Variants in SRSF7 observed in about 807,000 individuals in gnomAD.
SRSF7 encodes serine and arginine rich splicing factor 7.
SRSF7 carries 15 observed loss-of-function variants against 42.2 expected under a neutral mutation model. The ratio of observed to expected loss-of-function variants is 0.36; its 90% CI spans 0.24 to 0.55. The LOEUF is 0.55. Ranked by LOEUF, SRSF7 falls within the 20% of genes least tolerant of loss-of-function variation. The pLI is 0.88. For synonymous variants in SRSF7, 138 were observed against 107.9 expected (o/e 1.28, Z -1.73); for missense variants, 181 against 305.9 (o/e 0.59, Z 3.04).
chr2:38,747,682 A>G (rs1169031785), intron 5 of SRSF7, among the ~76,000 whole-genome samples: 1 of 152,162 alleles, frequency 6.6e-6, no homozygotes, highest in African/African-American at 2.4e-5. Flanking sequence ...CTTGCTTCTG[A>G]TCTCTTTTCC....
In SRSF7 at chr2:38,744,437, T is replaced by A; in HGVS notation, c.*696A>T. On this transcript the variant is annotated 3_prime_UTR_variant, in exon 8 of 8. Coordinates refer to ENST00000313117, the MANE Select transcript of SRSF7 (RefSeq NM_001031684.3). Reference sequence around the variant, plus strand: ...GAACTCCCCATATCTTGGGGAGTCCTAATTAACACTATGCCACCTAGTAGC... The same window carrying A: ...GAACTCCCCATATCTTGGGGAGTCCAAATTAACACTATGCCACCTAGTAGC... 1.3e-5 allele frequency: 2 copies of A among 152,578 alleles called. No individual in the cohort carries two copies. Among genetic ancestry groups the A allele is most frequent in the African/African-American group, 4.8e-5 (2 of 41,460 alleles). 9.5% of individuals were successfully genotyped at this position (152,578 alleles called of 1,614,324 possible).
chr2:38,746,274 T>C, intron 6 of SRSF7, 95 bp from the exon 7 acceptor site: 2 of 1,396,244 alleles, frequency 1.4e-6, no homozygotes, highest in Non-Finnish European at 2.0e-6. Context: ...TGTCCTAAGC[T>C]TAAAATGTCA....
Position 38,745,200 on chromosome 2 carries a change from AC to A in SRSF7, c.663-14del. The A allele has an allele frequency of 6.2e-7, 1 of 1,614,038 alleles. No homozygotes were observed. The highest frequency in any genetic ancestry group is 2.2e-5 in the East Asian group (1 of 44,874). On this transcript the variant is annotated splice_polypyrimidine_tract_variant and intron_variant, in intron 7 of 7. Transcript: ENST00000313117. ...TGATGGGGAACGACTAAAAAGAAAA[AC>A]ATTAGGTTTGGATCCAATTAGTGTC...
At chr2:38,750,412 G>A (rs968838159) in intron 1 of SRSF7, among the ~76,000 whole-genome samples, 1 of 151,948 alleles carries the variant, frequency 6.6e-6, no homozygotes, top group Non-Finnish European at 1.5e-5. Flanking sequence ...ATAATGCGGG[G>A]TGACCCTCCC....
In SRSF7 at chr2:38,745,090, T is replaced by G; in HGVS notation, c.*43A>C. ...AGACATCACAAATCCCTTATAATAA[T>G]GTAAACAAAATAACTTTTCCCTAAA... On this transcript the variant is annotated 3_prime_UTR_variant, in exon 8 of 8. Coordinates refer to ENST00000313117, the MANE Select transcript of SRSF7 (RefSeq NM_001031684.3). 1.3e-6 allele frequency: 2 copies of G among 1,598,994 alleles called. No homozygotes were observed. Among genetic ancestry groups the G allele is most frequent in the Non-Finnish European group, 1.7e-6 (2 of 1,167,062 alleles).
Position 38,744,787 on chromosome 2 carries a change from C to G in SRSF7, c.*346G>C. 12 of 216,796 alleles carry G rather than the reference C, an allele frequency of 5.5e-5. No homozygotes were observed. Among genetic ancestry groups the G allele is most frequent in the Admixed American group, 3.2e-4 (6 of 18,808 alleles). 13.4% of individuals were successfully genotyped at this position (216,796 alleles called of 1,614,324 possible). A position where few individuals can be genotyped will look rare whatever the true frequency, so the allele number is the denominator to read the frequency against. On this transcript the variant is annotated 3_prime_UTR_variant, in exon 8 of 8. Coordinates refer to ENST00000313117, the MANE Select transcript of SRSF7 (RefSeq NM_001031684.3). The stretch of plus-strand genomic sequence containing the variant: ...GTGATGTTCAAGACTTAACCAACAC[C>G]TTTCAATTCTGAATGTAGGTATGTA...
Position 38,751,262 on chromosome 2 carries a change from C to G in SRSF7, c.-6G>C. ...TACCGCCCGTAACGCGACATGATGA[C>G]AGACCCGCGTGCTCGGCTCTTTAGC... On this transcript the variant is annotated 5_prime_UTR_variant, in exon 1 of 8. Coordinates refer to ENST00000313117, the MANE Select transcript of SRSF7 (RefSeq NM_001031684.3). The G allele has an allele frequency of 1.9e-6, 3 of 1,614,180 alleles. No individual in the cohort carries two copies. The highest frequency in any genetic ancestry group is 2.5e-6 in the Non-Finnish European group (3 of 1,180,002).
At chr2:38,745,293 C>T in intron 7 of SRSF7, 106 bp from the exon 8 acceptor site, 1 of 1,153,686 alleles carries the variant, frequency 8.7e-7, no homozygotes, top group Non-Finnish European at 1.3e-6. Flanking sequence ...GTACTAATTT[C>T]CTATAGCAAA....
intron 6 of SRSF7, 88 bp from the exon 7 acceptor site, chr2:38,746,267 C>T: frequency 6.9e-7 from 1 of 1,442,128 alleles, no homozygotes; most frequent in South Asian, 1.2e-5. Context: ...CCCCAAATGT[C>T]CTAAGCTTAA....
chr2:38,749,135 ATTTACTG>A, intron 3 of SRSF7: 1 of 1,317,424 alleles, frequency 7.6e-7, no homozygotes, highest in Non-Finnish European at 1.0e-6. Context: ...TGTAAGCCAA[ATTTACTG>A]TTACGGCGAT....
intron 1 of SRSF7, 81 bp downstream of exon 1, chr2:38,751,148 C>G: frequency 3.2e-6 from 5 of 1,584,790 alleles, no homozygotes; most frequent in Non-Finnish European, 4.3e-6. Flanking sequence ...TAACCGTCTC[C>G]CAACCTCCGC....
In SRSF7 at chr2:38,745,130, G is replaced by T; in HGVS notation, c.*3C>A. 13 of 1,614,072 alleles carry T rather than the reference G, an allele frequency of 8.1e-6. No individual in the cohort carries two copies. The highest frequency in any genetic ancestry group is 1.0e-5 in the Non-Finnish European group (12 of 1,179,940). On this transcript the variant is annotated 3_prime_UTR_variant, in exon 8 of 8. Transcript: ENST00000313117. The stretch of plus-strand genomic sequence containing the variant: ...TTTTCCCTAAAGGGTGAACTTGAGA[G>T]CTTCAGTCCATTCTTTCAGGACTTG...
chr2:38,748,520 T>A, intron 4 of SRSF7, 59 bp downstream of exon 4: 1 of 1,545,532 alleles, frequency 6.5e-7, no homozygotes, highest in Admixed American at 1.7e-5. Context: ...TTTTTCTGTG[T>A]TGGACTACCA....
rs770501260 is a variant in SRSF7, at chr2:38,746,753, TAA to T, written c.573-8_573-7del. 6.2e-7 allele frequency: 1 copy of T among 1,613,282 alleles called. No individual in the cohort carries two copies. The highest frequency in any genetic ancestry group is 1.1e-5 in the South Asian group (1 of 90,918). ...ATCTTGACCTCGACGGGGATCTTAA[TAA>T]AAAAAGTGAAAAACACAATTATATC... On this transcript the variant is annotated splice_polypyrimidine_tract_variant and splice_region_variant and intron_variant, in intron 5 of 7. Transcript: ENST00000313117.
intron 1 of SRSF7, among the ~76,000 whole-genome samples, chr2:38,750,612 T>A (rs946498215): frequency 3.3e-5 from 5 of 151,808 alleles, no homozygotes; most frequent in African/African-American, 1.2e-4. Flanking sequence ...GCTCTCGTCC[T>A]CCGCGGCAAA....
At chr2:38,751,142 C>A in intron 1 of SRSF7, 87 bp downstream of exon 1, 4 of 1,563,022 alleles carry the variant, frequency 2.6e-6, no homozygotes, top group Middle Eastern at 1.7e-4. Flanking sequence ...GCGGAATAAC[C>A]GTCTCCCAAC....
chr2:38,749,875 T>A (rs970361210), intron 2 of SRSF7, 139 bp downstream of exon 2: 1 of 1,248,374 alleles, frequency 8.0e-7, no homozygotes, highest in Non-Finnish European at 1.1e-6. Flanking sequence ...TTCTTTAACC[T>A]TCGTGTGCCT....
At chr2:38,746,073 G>A in intron 7 of SRSF7, 71 bp downstream of exon 7, 3 of 1,507,876 alleles carry the variant, frequency 2.0e-6, no homozygotes, top group Non-Finnish European at 2.8e-6. Context: ...AGACTGCAAA[G>A]CAGTAAGCAA....
At chr2:38,745,954 A>G (rs543956403) in intron 7 of SRSF7, among the ~76,000 whole-genome samples, 190 bp downstream of exon 7, 1 of 152,250 alleles carries the variant, frequency 6.6e-6, no homozygotes, top group Admixed American at 6.5e-5. Flanking sequence ...ATGACTAAGT[A>G]TTTCCAGCAA....
Sources: allele counts gnomAD v4.1 joint callset (sites outside exome capture counted in the v4.1 genomes callset), GRCh38; gene constraint gnomAD v4.1.1; transcripts MANE v1.5; gene names NCBI Gene and HGNC (gene_info 2026-07-23, HGNC 2026-07-21).